Variants in TSPAN9 observed in about 807,000 individuals in gnomAD.
TSPAN9 encodes tetraspanin 9, also known as tetraspanin-9.
TSPAN9 carries 16 observed loss-of-function variants against 31.0 expected under a neutral mutation model. That is an observed-to-expected ratio of 0.52 (90% CI 0.35 to 0.78). The LOEUF (loss-of-function observed/expected upper bound fraction) is 0.78. TSPAN9 is among the 30% of genes least tolerant of loss of function. TSPAN9 has a pLI of 0.01. For missense variants in TSPAN9, 272 were observed against 312.5 expected (o/e 0.87, Z 0.98); for synonymous variants, 145 against 121.6 (o/e 1.19, Z -1.27).
At chr12:3,191,447 G>A (rs1247036157) in intron 2 of TSPAN9, among the ~76,000 whole-genome samples, 3 of 152,004 alleles carry the variant, frequency 2.0e-5, no homozygotes, top group Non-Finnish European at 2.9e-5. Context: ...CATAGGGTGC[G>A]GATTTCAGGG....
intron 2 of TSPAN9, among the ~76,000 whole-genome samples, chr12:3,152,418 C>G (rs1045783564): frequency 3.3e-5 from 5 of 152,240 alleles, no homozygotes; most frequent in African/African-American, 1.2e-4. Context: ...TTCTGACACA[C>G]CTGCCCCCAC....
intron 3 of TSPAN9, among the ~76,000 whole-genome samples, chr12:3,244,436 T>C (rs1307412190): frequency 2.6e-5 from 4 of 152,210 alleles, no homozygotes; most frequent in Non-Finnish European, 5.9e-5. Context: ...CCTTATTCTC[T>C]GCCAGCCGCA....
At chr12:3,254,713 T>C (rs1321747747) in intron 3 of TSPAN9, among the ~76,000 whole-genome samples, 1 of 152,208 alleles carries the variant, frequency 6.6e-6, no homozygotes, top group Non-Finnish European at 1.5e-5. Context: ...GCTTAACATA[T>C]ATAGAAAATG....
At position 3,081,846 on chromosome 12, in the gene TSPAN9, A is replaced by G. The variant is rs57988232; in HGVS notation, c.-84-1807A>G. ...TGTGTGTGTGTGTGTCTGTGTGTGTATATATATGCCAGGTGTGGTGGTACA... is the reference window on the plus strand; with the variant it reads ...TGTGTGTGTGTGTGTCTGTGTGTGTGTATATATGCCAGGTGTGGTGGTACA... On this transcript the variant is annotated intron_variant, in intron 1 of 8. Coordinates refer to ENST00000011898, the MANE Select transcript of TSPAN9 (RefSeq NM_006675.5). Among the ~76,000 whole-genome samples, 9 of 58,346 alleles carry G rather than the reference A, an allele frequency of 1.5e-4. 1 individual carries two copies. The highest frequency in any genetic ancestry group is 3.3e-4 in the African/African-American group (5 of 15,170). 38.3% of individuals were successfully genotyped at this position (58,346 alleles called of 152,430 possible). A position where few individuals can be genotyped will look rare whatever the true frequency, so the allele number is the denominator to read the frequency against.
chr12:3,212,181 A>G (rs2098379095), intron 3 of TSPAN9, among the ~76,000 whole-genome samples: 1 of 151,888 alleles, frequency 6.6e-6, no homozygotes, highest in Non-Finnish European at 1.5e-5. Context: ...TATGTTGCCC[A>G]GGCTGGTCTC....
chr12:3,213,031 G>GCT (rs1397995069), intron 3 of TSPAN9, among the ~76,000 whole-genome samples: 1 of 152,154 alleles, frequency 6.6e-6, no homozygotes, highest in Admixed American at 6.5e-5. Flanking sequence ...AGAGAAAGGG[G>GCT]CTAATGCAAA....
At chr12:3,221,167 A>G (rs73043518) in intron 3 of TSPAN9, among the ~76,000 whole-genome samples, 3,749 of 151,006 alleles carry the variant, frequency 0.025, 47 homozygotes, top group Middle Eastern at 0.045. Flanking sequence ...TTGGGACCAC[A>G]CTCTAGGTTT....
chr12:3,222,456 C>A (rs562714655), intron 3 of TSPAN9, among the ~76,000 whole-genome samples: 2 of 152,330 alleles, frequency 1.3e-5, no homozygotes, highest in South Asian at 2.1e-4. Context: ...AGGCGTAAGA[C>A]CTTCTGTCTG....
intron 2 of TSPAN9, among the ~76,000 whole-genome samples, chr12:3,084,743 A>AT (rs576304595): frequency 3.9e-4 from 60 of 152,250 alleles, no homozygotes; most frequent in Non-Finnish European, 7.9e-4. Flanking sequence ...GGTAGCTGTC[A>AT]TGTCCTCCTC....
intron 2 of TSPAN9, 139 bp from the exon 3 acceptor site, chr12:3,201,038 G>A (rs1190706146): frequency 1.2e-5 from 9 of 727,396 alleles, no homozygotes; most frequent in East Asian, 5.3e-5. Flanking sequence ...CGGCTTCACG[G>A]CCGGCGCCTT....
rs139305626 is a variant in TSPAN9, at chr12:3,168,976, A to T, written c.-17-32201A>T. Among the ~76,000 whole-genome samples the T allele has an allele frequency of 7.8e-4, 119 of 152,280 alleles. No individual in the cohort carries two copies. Among genetic ancestry groups the T allele is most frequent in the South Asian group, 5.2e-3 (25 of 4,820 alleles). On this transcript the variant is annotated intron_variant, in intron 2 of 8. Transcript: ENST00000011898. The surrounding 1 kb of genome is among the most constrained non-coding windows in gnomAD (Gnocchi z 4.0). ...GCATTAAACGGAGCTGGGAACATGAAGTGTGTGTACGCTTCTCTTTTCGTC... is the reference window on the plus strand; with the variant it reads ...GCATTAAACGGAGCTGGGAACATGATGTGTGTGTACGCTTCTCTTTTCGTC...
At chr12:3,215,389 C>T (rs1434614308) in intron 3 of TSPAN9, 2 of 152,250 alleles carry the variant, frequency 1.3e-5, no homozygotes, top group Admixed American at 1.3e-4. Flanking sequence ...TCAAACTTGC[C>T]TGGCCAACCT....
intron 3 of TSPAN9, among the ~76,000 whole-genome samples, chr12:3,217,271 T>A (rs2098381862): frequency 6.6e-6 from 1 of 152,218 alleles, no homozygotes; most frequent in Middle Eastern, 3.2e-3. Context: ...CTGGGGTCCC[T>A]GATGGCAATG....
chr12:3,136,290 T>TGCAG (rs755920192), intron 2 of TSPAN9, among the ~76,000 whole-genome samples: 13 of 152,206 alleles, frequency 8.5e-5, no homozygotes, highest in Non-Finnish European at 1.6e-4. Context: ...GGGCCTTGAA[T>TGCAG]GCAGGCAGGC....
intron 3 of TSPAN9, among the ~76,000 whole-genome samples, chr12:3,252,096 A>G (rs1470237837): frequency 2.0e-5 from 3 of 152,120 alleles, no homozygotes; most frequent in Non-Finnish European, 4.4e-5. Flanking sequence ...CTAGAGTCTC[A>G]TGGGGCAGAC....
Position 3,280,346 on chromosome 12 carries a change from G to A in TSPAN9, c.331-36G>A. Reference sequence around the variant, plus strand: ...GGCTGGAGAGACGAGCTGCGTCCTGGTTCCAACCGTCTCACTGTGTCCCTC... The same window carrying A: ...GGCTGGAGAGACGAGCTGCGTCCTGATTCCAACCGTCTCACTGTGTCCCTC... On this transcript the variant is annotated intron_variant, in intron 5 of 8. Coordinates refer to ENST00000011898, the MANE Select transcript of TSPAN9 (RefSeq NM_006675.5). This position sits in a 1 kb window ranked among gnomAD's most constrained non-coding sequence, Gnocchi z 4.5. The A allele has an allele frequency of 6.3e-7, 1 of 1,596,816 alleles. No individual in the cohort carries two copies. The highest frequency in any genetic ancestry group is 8.6e-7 in the Non-Finnish European group (1 of 1,168,136).
intron 2 of TSPAN9, among the ~76,000 whole-genome samples, chr12:3,145,637 G>A (rs2098336816): frequency 6.6e-6 from 1 of 152,310 alleles, no homozygotes; most frequent in South Asian, 2.1e-4. Flanking sequence ...GGGACCAGGT[G>A]TCCAGAGCTT....
chr12:3,105,431 T>TAAA (rs35039490), intron 2 of TSPAN9, among the ~76,000 whole-genome samples: 3,183 of 134,412 alleles, frequency 0.024, 131 homozygotes, highest in African/African-American at 0.086. Context: ...TTCCTTGTCT[T>TAAA]AAAAAAAAAA....
chr12:3,242,629 C>T (rs1013805081), intron 3 of TSPAN9, among the ~76,000 whole-genome samples: 3 of 152,204 alleles, frequency 2.0e-5, no homozygotes, highest in Non-Finnish European at 4.4e-5. Context: ...CTCAGGGCTG[C>T]GTGTGGAGGA....
Sources: allele counts gnomAD v4.1 joint callset (sites outside exome capture counted in the v4.1 genomes callset), GRCh38; gene constraint gnomAD v4.1.1; non-coding constraint Gnocchi (gnomAD v3.1); transcripts MANE v1.5; gene names NCBI Gene and HGNC (gene_info 2026-07-23, HGNC 2026-07-21).